SHOX: variants seen among roughly 807,000 people sequenced by gnomAD.
SHOX encodes short stature homeobox protein.
In SHOX, 12 loss-of-function variants were observed where a neutral mutation model predicts 29.6. The observed-to-expected ratio is 0.41, with a 90% CI of 0.26 to 0.66. The LOEUF (loss-of-function observed/expected upper bound fraction) is 0.66. Ranked by LOEUF, SHOX falls within the 30% of genes least tolerant of loss-of-function variation. The pLI is 0.35. For synonymous variants in SHOX, 214 were observed against 200.6 expected (o/e 1.07, Z -0.57); for missense variants, 499 against 437.7 (o/e 1.14, Z -1.25).
chrX:642,229 G>GAAC (rs2052867498), intron 4 of SHOX, among the ~76,000 whole-genome samples: 1 of 152,116 alleles, frequency 6.6e-6, no homozygotes, highest in Admixed American at 6.5e-5. Context: ...CGCAGCGCCC[G>GAAC]GCTGCGGTGC....
intron 2 of SHOX, among the ~76,000 whole-genome samples, chrX:637,207 C>G (rs1409374203): frequency 6.6e-6 from 1 of 151,782 alleles, no homozygotes; most frequent in East Asian, 1.9e-4. Context: ...GGGGTTTCCT[C>G]GCTGTCCACC....
Position 644,654 on chromosome X carries a change from C to A in SHOX, c.*18C>A, listed in dbSNP as rs770319928. On this transcript the variant is annotated 3_prime_UTR_variant, in exon 5 of 5. Coordinates refer to ENST00000686671, the MANE Select transcript of SHOX (RefSeq NM_000451.4). ...GGCTCTGACCCGCCGCGCAGCCCCCCGCGCGCCCGGACTCCCGGGCTCCGC... is the reference window on the plus strand; with the variant it reads ...GGCTCTGACCCGCCGCGCAGCCCCCAGCGCGCCCGGACTCCCGGGCTCCGC... 1.7e-5 allele frequency: 25 copies of A among 1,441,358 alleles called. No individual in the cohort carries two copies. Among genetic ancestry groups the A allele is most frequent in the South Asian group, 1.7e-4 (12 of 71,074 alleles). The allele number at this position is 1,441,358 out of a possible 1,614,324, so 89.3% of individuals were successfully genotyped here.
chrX:655,568 GTCTCTCTCTCTCTCTC>G (rs1228178183), downstream of SHOX, among the ~76,000 whole-genome samples: 196 of 87,812 alleles, frequency 2.2e-3, 1 homozygote, highest in East Asian at 4.1e-3. Flanking sequence ...CTCTCTCTCT[GTCTCTCTCTCTCTCTC>G]TCTCTCTCTC....
chrX:631,984 CGTG>C (rs1162439193), intron 1 of SHOX: 1 of 456,084 alleles, frequency 2.2e-6, no homozygotes, highest in South Asian at 1.5e-5. Context: ...CTCGAGGCTG[CGTG>C]GTAGGAGACG....
At chrX:640,406 C>G (rs1480668368) in intron 2 of SHOX, among the ~76,000 whole-genome samples, 1 of 151,604 alleles carries the variant, frequency 6.6e-6, no homozygotes, top group East Asian at 1.9e-4. Flanking sequence ...GGTGAAACCG[C>G]GTCTCTACTA....
chrX:626,644 C>T (rs780263770), upstream of SHOX, among the ~76,000 whole-genome samples: 24 of 134,824 alleles, frequency 1.8e-4, no homozygotes, highest in African/African-American at 7.2e-4. Flanking sequence ...CTCTCTTTCT[C>T]TCCTCTCTCT....
chrX:635,813 C>T (rs926395898), intron 2 of SHOX, among the ~76,000 whole-genome samples: 10 of 151,866 alleles, frequency 6.6e-5, no homozygotes, highest in African/African-American at 2.2e-4. Flanking sequence ...GTCAACTCCT[C>T]TAGTCCTTTC....
chrX:658,833 C>T (rs1488565970), exon 6 of SHOX: 14 of 400,396 alleles, frequency 3.5e-5, no homozygotes, highest in East Asian at 8.5e-5. Flanking sequence ...GGCATGATCT[C>T]GACTCACTGC....
chrX:625,780 G>C (rs1186185531), intron 1 of SHOX, among the ~76,000 whole-genome samples: 1 of 120,526 alleles, frequency 8.3e-6, no homozygotes, highest in Non-Finnish European at 1.7e-5. Flanking sequence ...GTCTGTCTCT[G>C]TCTCTCTTTC....
At chrX:627,917 C>T (rs777003350), upstream of SHOX, among the ~76,000 whole-genome samples, 25 of 152,240 alleles carry the variant, frequency 1.6e-4, no homozygotes, top group Admixed American at 1.2e-3. Context: ...AGGTTTACGG[C>T]GCAGTCCCTG....
downstream of SHOX, among the ~76,000 whole-genome samples, chrX:652,167 C>T (rs998982616): frequency 4.2e-4 from 64 of 152,218 alleles, no homozygotes; most frequent in Non-Finnish European, 2.4e-4. Context: ...TCGTGATCCA[C>T]CCGCGTCTGG....
intron 2 of SHOX, among the ~76,000 whole-genome samples, chrX:637,784 C>T (rs2052783374): frequency 6.6e-6 from 1 of 152,124 alleles, no homozygotes; most frequent in Non-Finnish European, 1.5e-5. Context: ...GGGTCACATG[C>T]GTCTCAGTAC....
At chrX:627,394 A>C (rs919780155), upstream of SHOX, among the ~76,000 whole-genome samples, 3 of 152,090 alleles carry the variant, frequency 2.0e-5, no homozygotes, top group Non-Finnish European at 4.4e-5. Context: ...AGAACGTAAA[A>C]GCTCTGGTCA....
rs1481131773 is a variant in SHOX, at chrX:644,526, G to T, written c.769G>T (p.Ala257Ser). 6.6e-7 allele frequency: 1 copy of T among 1,518,340 alleles called. No homozygotes were observed. Among genetic ancestry groups the T allele is most frequent in the Non-Finnish European group, 8.8e-7 (1 of 1,139,880 alleles). The allele number at this position is 1,518,340 out of a possible 1,614,324, so 94.1% of individuals were successfully genotyped here. The change falls in exon 5 of 5, where the codon GCC (alanine) becomes TCC (serine). Residue 257 changes from alanine to serine, a missense_variant. Ala to Ser is a moderately conservative substitution (Grantham distance 99, BLOSUM62 1). Coordinates refer to ENST00000686671, the MANE Select transcript of SHOX (RefSeq NM_000451.4). ...GCCCATCGCGTCGCTGGCCGAGTCCGCCTCGGCCGCCGCCGTGGTCGCCGC... is the reference window on the plus strand; with the variant it reads ...GCCCATCGCGTCGCTGGCCGAGTCCTCCTCGGCCGCCGCCGTGGTCGCCGC... ...GLPIASLAES[A>S]SAAAVVAAAA...
At chrX:635,359 C>A (rs1272948881) in intron 2 of SHOX, among the ~76,000 whole-genome samples, 2 of 152,176 alleles carry the variant, frequency 1.3e-5, no homozygotes, top group Non-Finnish European at 2.9e-5. Flanking sequence ...CGTGTGGCTG[C>A]ATTGAAAAGG....
chrX:649,937 C>G lies in SHOX; in HGVS notation c.*5301C>G. On this transcript the variant is annotated 3_prime_UTR_variant, in exon 5 of 5. Coordinates refer to ENST00000686671, the MANE Select transcript of SHOX (RefSeq NM_000451.4). ...TCTCTCTTTTCTCTCTCTCTGACTGCGAAGCACCCACAGGGAGAAGGAATT... is the reference window on the plus strand; with the variant it reads ...TCTCTCTTTTCTCTCTCTCTGACTGGGAAGCACCCACAGGGAGAAGGAATT... The G allele has an allele frequency of 2.2e-6, 1 of 456,056 alleles. No individual in the cohort carries two copies. The highest frequency in any genetic ancestry group is 4.4e-6 in the Non-Finnish European group (1 of 226,806). The allele number at this position is 456,056 out of a possible 1,614,324, so 28.3% of individuals were successfully genotyped here.
chrX:624,904 C>CCTTTCTT (rs2052485624), intron 1 of SHOX, among the ~76,000 whole-genome samples: 1 of 94,850 alleles, frequency 1.1e-5, no homozygotes, highest in Non-Finnish European at 2.1e-5. Flanking sequence ...CTTTCTTTCT[C>CCTTTCTT]TCTTCCTTTC....
chrX:631,008 A>G lies in SHOX; in HGVS notation c.111A>G (p.Glu37=). The G allele has an allele frequency of 1.9e-6, 3 of 1,613,872 alleles. No homozygotes were observed. Among genetic ancestry groups the G allele is most frequent in the Non-Finnish European group, 2.5e-6 (3 of 1,179,848 alleles). Residue 37 remains glutamate, a synonymous_variant, in exon 1 of 5, where the codon GAA becomes GAG. Coordinates refer to ENST00000686671, the MANE Select transcript of SHOX (RefSeq NM_000451.4). The part of the protein sequence containing the change: ...GGKKDSITYR[E]VLESGLARSR... The stretch of plus-strand genomic sequence containing the variant: ...AGAAGGATTCCATTACGTACCGGGA[A>G]GTTTTGGAGAGCGGACTGGCGCGCT...
At chrX:626,432 CCT>C (rs1201203447), upstream of SHOX, among the ~76,000 whole-genome samples, 3 of 120,776 alleles carry the variant, frequency 2.5e-5, no homozygotes, top group Non-Finnish European at 3.6e-5. Context: ...TGTCTTCGTT[CCT>C]CTCTCTCTTT....
Sources: allele counts gnomAD v4.1 joint callset (sites outside exome capture counted in the v4.1 genomes callset), GRCh38; gene constraint gnomAD v4.1.1; transcripts MANE v1.5; gene names NCBI Gene and HGNC (gene_info 2026-07-23, HGNC 2026-07-21).